Variants in HSD17B12 observed in about 807,000 individuals in gnomAD.
The protein encoded by HSD17B12 is hydroxysteroid 17-beta dehydrogenase 12.
In HSD17B12, 32 loss-of-function variants were observed where a neutral mutation model predicts 39.3. The observed-to-expected ratio is 0.81, with a 90% CI of 0.61 to 1.09. The LOEUF is 1.09. Among genes scored for constraint, HSD17B12 ranks in the 50% least tolerant of loss-of-function variants. The probability of loss-of-function intolerance (pLI) is 0.00; values close to 1 mark genes in which losing one functional copy is unlikely to be tolerated. For missense variants in HSD17B12, 342 were observed against 382.9 expected (o/e 0.89, Z 0.89); for synonymous variants, 150 against 146.7 (o/e 1.02, Z -0.16).
chr11:43,826,094 T>C (rs868556570), intron 6 of HSD17B12, among the ~76,000 whole-genome samples: 5 of 150,582 alleles, frequency 3.3e-5, no homozygotes, highest in African/African-American at 1.2e-4. Context: ...TTTTTTTTTT[T>C]TTTTTTGAGA....
intron 1 of HSD17B12, among the ~76,000 whole-genome samples, chr11:43,711,266 T>C (rs536998507): frequency 6.6e-6 from 1 of 152,320 alleles, no homozygotes; most frequent in East Asian, 1.9e-4. Context: ...AATATAAATC[T>C]TAGTACTGGA....
At chr11:43,659,380 A>G in the HSD17B12 span, among the ~76,000 whole-genome samples, 1 of 152,192 alleles carries the variant, frequency 6.6e-6, no homozygotes, top group African/African-American at 2.4e-5. Context: ...GCTCACGCAC[A>G]GTGCATTGCA....
At chr11:43,616,635 AG>A in the HSD17B12 span, among the ~76,000 whole-genome samples, 1 of 151,656 alleles carries the variant, frequency 6.6e-6, no homozygotes, top group Non-Finnish European at 1.5e-5. Flanking sequence ...TATAAAACTG[AG>A]ATGGCATAAC....
At chr11:43,674,630 A>G in the HSD17B12 span, among the ~76,000 whole-genome samples, 14 of 152,358 alleles carry the variant, frequency 9.2e-5, no homozygotes, top group South Asian at 1.2e-3. Flanking sequence ...TGGAAATTCC[A>G]TTTCCAAAGT....
intron 1 of HSD17B12, among the ~76,000 whole-genome samples, chr11:43,738,486 G>A (rs936241799): frequency 1.3e-5 from 2 of 151,210 alleles, no homozygotes; most frequent in African/African-American, 4.9e-5. Context: ...TTATCATAAA[G>A]TTAAACTTCT....
chr11:43,843,512 C>G (rs927094979), intron 9 of HSD17B12, among the ~76,000 whole-genome samples: 1 of 152,194 alleles, frequency 6.6e-6, no homozygotes, highest in African/African-American at 2.4e-5. Flanking sequence ...AAGGCCATCT[C>G]CTTTCTTGCC....
At chr11:43,558,751 G>GGGGTGCGGGGGTTA in the HSD17B12 span, among the ~76,000 whole-genome samples, 1 of 152,030 alleles carries the variant, frequency 6.6e-6, no homozygotes, top group Non-Finnish European at 1.5e-5. Flanking sequence ...TTTTGCGCTG[G>GGGGTGCGGGGGTTA]GGGTGCGGGG....
rs3839954 is a variant in HSD17B12, at chr11:43,838,650, T to TCC, written c.618+257_618+258dup. 5.3e-5 allele frequency among the ~76,000 whole-genome samples: 8 copies of TCC among 151,854 alleles called. No homozygotes were observed. The East Asian group carries it at 1.2e-3, about 22-fold the overall frequency. On this transcript the variant is annotated intron_variant, in intron 8 of 10. Coordinates refer to ENST00000278353, the MANE Select transcript of HSD17B12 (RefSeq NM_016142.3). ...ATCAGATTCACAGATGCTGTTTTTCTCCCCCCAGCACTCTACTGATTTTGA... is the reference window on the plus strand; with the variant it reads ...ATCAGATTCACAGATGCTGTTTTTCTCCCCCCCCAGCACTCTACTGATTTTGA...
At chr11:43,629,436 C>T in the HSD17B12 span, among the ~76,000 whole-genome samples, 1 of 152,016 alleles carries the variant, frequency 6.6e-6, no homozygotes, top group African/African-American at 2.4e-5. Context: ...TTTGTTTGTC[C>T]TTTGTATTTG....
the HSD17B12 span, among the ~76,000 whole-genome samples, chr11:43,634,345 C>T: frequency 1.3e-5 from 2 of 152,096 alleles, no homozygotes; most frequent in Admixed American, 6.5e-5. Context: ...CTCTACCTCT[C>T]ACCGCTGGAA....
the HSD17B12 span, among the ~76,000 whole-genome samples, chr11:43,575,187 G>A: frequency 6.6e-6 from 1 of 152,184 alleles, no homozygotes; most frequent in South Asian, 2.1e-4. The surrounding 1 kb of genome is among the most constrained non-coding windows in gnomAD (Gnocchi z 4.1). Context: ...CCGTCTCTCT[G>A]TAACTCGGAT....
At chr11:43,791,049 G>C (rs1950863583) in intron 3 of HSD17B12, among the ~76,000 whole-genome samples, 1 of 152,010 alleles carries the variant, frequency 6.6e-6, no homozygotes, top group Admixed American at 6.6e-5. Context: ...ATTATTTTTT[G>C]TGGTTTTCTA....
chr11:43,690,233 A>G (rs1949840574), intron 1 of HSD17B12, among the ~76,000 whole-genome samples: 1 of 151,266 alleles, frequency 6.6e-6, no homozygotes, highest in Non-Finnish European at 1.5e-5. Context: ...TTCTGTTAGA[A>G]TGTGAGCACT....
Position 43,846,555 on chromosome 11 carries a change from T to C in HSD17B12, c.684+6491T>C, listed in dbSNP as rs566370885. On this transcript the variant is annotated intron_variant, in intron 9 of 10. Transcript: ENST00000278353. ...GGTGCATGCCTATAAACCCAGCTAC[T>C]GTAGGGGGCTGAGGCATGAAAATGG... Among the ~76,000 whole-genome samples the C allele has an allele frequency of 5.3e-5, 8 of 152,264 alleles. No individual in the cohort carries two copies. The South Asian group carries it at 1.7e-3, about 32-fold the overall frequency.
intron 1 of HSD17B12, among the ~76,000 whole-genome samples, chr11:43,702,258 A>T (rs1386818799): frequency 6.6e-6 from 1 of 152,296 alleles, no homozygotes; most frequent in South Asian, 2.1e-4. Context: ...CAAATATAAG[A>T]TTACATCATC....
chr11:43,614,402 G>A, the HSD17B12 span, among the ~76,000 whole-genome samples: 7 of 152,168 alleles, frequency 4.6e-5, no homozygotes, highest in South Asian at 1.5e-3. Flanking sequence ...CTGTATATGT[G>A]TGCCTGGTTA....
At chr11:43,735,797 G>T (rs1354279507) in intron 1 of HSD17B12, among the ~76,000 whole-genome samples, 1 of 152,146 alleles carries the variant, frequency 6.6e-6, no homozygotes, top group East Asian at 1.9e-4. Context: ...CTGCATGGCT[G>T]GGGAGGCCTC....
chr11:43,714,909 G>T (rs1950106536), intron 1 of HSD17B12, among the ~76,000 whole-genome samples: 7 of 152,122 alleles, frequency 4.6e-5, no homozygotes, highest in Admixed American at 4.6e-4. Flanking sequence ...GTTCACTCAT[G>T]GTTTGGCTCT....
At chr11:43,821,204 C>T (rs970807997) in intron 6 of HSD17B12, among the ~76,000 whole-genome samples, 40 of 152,314 alleles carry the variant, frequency 2.6e-4, no homozygotes, top group African/African-American at 9.1e-4. Context: ...TTATTCCTTT[C>T]TTCCCTCTCA....
Sources: gnomAD v4.1 joint callset for allele counts (sites outside exome capture counted in the v4.1 genomes callset) on GRCh38, gnomAD v4.1.1 for gene constraint, Gnocchi (gnomAD v3.1) non-coding constraint, MANE v1.5 for transcripts, NCBI Gene and HGNC (gene_info 2026-07-23, HGNC 2026-07-21) for gene names.